Variants in FBXW11 observed in about 807,000 individuals in gnomAD.
FBXW11 encodes F-box and WD repeat domain containing 11.
A neutral mutation model predicts 77.6 loss-of-function variants in FBXW11; 19 were observed. The ratio of observed to expected loss-of-function variants is 0.24; its 90% CI spans 0.17 to 0.36. The LOEUF (loss-of-function observed/expected upper bound fraction) is 0.36, where lower values mean the gene tolerates loss of function less well. Ranked by LOEUF, FBXW11 falls within the 10% of genes least tolerant of loss-of-function variation. The probability of loss-of-function intolerance (pLI) is 1.00; values close to 1 mark genes in which losing one functional copy is unlikely to be tolerated. For synonymous variants in FBXW11, 235 were observed against 249.4 expected, an observed-to-expected ratio of 0.94 and a Z score of 0.54; for missense variants, 334 against 704.2, an observed-to-expected ratio of 0.47 and a Z score of 5.95.
intron 1 of FBXW11, among the ~76,000 whole-genome samples, chr5:172,003,993 A>G (rs2113629221): frequency 6.6e-6 from 1 of 152,304 alleles, no homozygotes; most frequent in East Asian, 1.9e-4. Flanking sequence ...AAAATCTAAA[A>G]ATATTTCATG....
chr5:171,931,643 C>T (rs1453609979), intron 2 of FBXW11, among the ~76,000 whole-genome samples: 1 of 152,030 alleles, frequency 6.6e-6, no homozygotes, highest in Non-Finnish European at 1.5e-5. Flanking sequence ...ATCAAAGGCA[C>T]AATCCATGAA....
At chr5:171,973,200 C>G (rs74529782) in intron 1 of FBXW11, among the ~76,000 whole-genome samples, 2,410 of 152,050 alleles carry the variant, frequency 0.016, 20 homozygotes, top group Non-Finnish European at 0.026. Context: ...ATAAGAAATA[C>G]AAAGAGGAAC....
In FBXW11 at chr5:171,957,666, G is replaced by A. The variant is rs758813851; in HGVS notation, c.78C>T (p.Cys26=). 3 of 1,614,100 alleles carry A rather than the reference G, an allele frequency of 1.9e-6. No individual in the cohort carries two copies. The highest frequency in any genetic ancestry group is 1.7e-6 in the Non-Finnish European group (2 of 1,179,978). The change falls in exon 2 of 14, where the codon TGC becomes TGT. Residue 26 remains cysteine, a synonymous_variant. Transcript: ENST00000517395. ...CGCACATGCTCTCTACCAGGTTGGC[G>A]CAGCCTAGCCACAAAGACCTTGGCA... is the stretch of plus-strand genomic sequence containing the variant. ...CSVPRSLWLG[C]ANLVESMCAL...
chr5:171,915,404 G>A (rs1350444309), intron 2 of FBXW11, among the ~76,000 whole-genome samples: 1 of 152,130 alleles, frequency 6.6e-6, no homozygotes, highest in Non-Finnish European at 1.5e-5. Flanking sequence ...TGTTCTACAA[G>A]TCCTAAAATG....
At chr5:171,895,857 G>C (rs1284090958) in intron 6 of FBXW11, among the ~76,000 whole-genome samples, 2 of 152,182 alleles carry the variant, frequency 1.3e-5, no homozygotes, top group Non-Finnish European at 2.9e-5. Flanking sequence ...GACAGCAAAG[G>C]AGAATATGGC....
intron 2 of FBXW11, among the ~76,000 whole-genome samples, chr5:171,920,098 G>C (rs1189492525): frequency 1.3e-5 from 2 of 152,142 alleles, no homozygotes; most frequent in Non-Finnish European, 2.9e-5. Context: ...AGGAGGCAGA[G>C]GTTGCAGTGA....
At chr5:171,898,983 A>G in intron 6 of FBXW11, 21 bp downstream of exon 6, 1 of 1,472,350 alleles carries the variant, frequency 6.8e-7, no homozygotes, top group Non-Finnish European at 9.3e-7. Flanking sequence ...AGCCCATAAA[A>G]CAGATAAATC....
At chr5:171,943,525 C>T (rs1762852059) in intron 2 of FBXW11, among the ~76,000 whole-genome samples, 2 of 152,148 alleles carry the variant, frequency 1.3e-5, no homozygotes, top group Non-Finnish European at 2.9e-5. Context: ...GTGGTGGGAT[C>T]TCAGCTCACT....
rs1290461861 is a variant in FBXW11 at position 171,863,778 on chromosome 5, C to T, written c.*349G>A. The T allele has an allele frequency of 6.6e-6, 1 of 152,580 alleles. No homozygotes were observed. Among genetic ancestry groups the T allele is most frequent in the East Asian group, 1.9e-4 (1 of 5,196 alleles). The allele number at this position is 152,580 out of a possible 1,614,324, so 9.5% of individuals were successfully genotyped here. ...AGTGCAAAGCAATATAAATTAGAGG[C>T]CAAGTCTTCTCTTGACGGTCGATTT... On this transcript the variant is annotated 3_prime_UTR_variant, in exon 14 of 14. Transcript: ENST00000517395.
chr5:171,949,376 G>A (rs1336962820), intron 2 of FBXW11, among the ~76,000 whole-genome samples: 2 of 152,142 alleles, frequency 1.3e-5, no homozygotes, highest in African/African-American at 4.8e-5. Context: ...GAAAGAATGT[G>A]CATCCCTAAT....
At chr5:171,909,282 G>A (rs554218353) in intron 4 of FBXW11, among the ~76,000 whole-genome samples, 12 of 152,150 alleles carry the variant, frequency 7.9e-5, no homozygotes, top group Admixed American at 2.0e-4. Context: ...ATGCCACCTC[G>A]TTGAGAAAAA....
At chr5:171,899,562 A>C (rs554493633) in intron 5 of FBXW11, among the ~76,000 whole-genome samples, 1 of 152,344 alleles carries the variant, frequency 6.6e-6, no homozygotes, top group East Asian at 1.9e-4. Flanking sequence ...CTCAACCAGC[A>C]GTAATAACAA....
chr5:171,883,047 C>T (rs1561645035), intron 7 of FBXW11, among the ~76,000 whole-genome samples: 1 of 151,932 alleles, frequency 6.6e-6, no homozygotes, highest in East Asian at 1.9e-4. Context: ...TTTGGTTTTT[C>T]ATCCTGAGTT....
intron 2 of FBXW11, among the ~76,000 whole-genome samples, chr5:171,944,571 T>C (rs1762911369): frequency 1.8e-5 from 1 of 56,878 alleles, no homozygotes; most frequent in Non-Finnish European, 3.5e-5. Context: ...CGAGACTCCA[T>C]CTCAAAAAAA....
chr5:172,004,917 G>C (rs1044443526), intron 1 of FBXW11, among the ~76,000 whole-genome samples: 3 of 151,446 alleles, frequency 2.0e-5, no homozygotes, highest in Non-Finnish European at 4.4e-5. Flanking sequence ...AAAACTATCA[G>C]TTTCTTTTTT....
At chr5:171,992,989 C>T (rs1765835711) in intron 1 of FBXW11, among the ~76,000 whole-genome samples, 1 of 151,892 alleles carries the variant, frequency 6.6e-6, no homozygotes, top group Admixed American at 6.6e-5. Context: ...CAAAGGGCTT[C>T]CCAAACCTGT....
intron 2 of FBXW11, among the ~76,000 whole-genome samples, chr5:171,936,652 A>C (rs1447714571): frequency 3.3e-5 from 5 of 152,138 alleles, no homozygotes; most frequent in Admixed American, 2.0e-4. Flanking sequence ...ATGCAGAGAG[A>C]CATGGATATA....
intron 2 of FBXW11, 66 bp downstream of exon 2, chr5:171,957,531 G>A (rs1280330161): frequency 7.4e-7 from 1 of 1,348,756 alleles, no homozygotes; most frequent in Non-Finnish European, 1.1e-6. Flanking sequence ...ACACACTACT[G>A]CAAGTTTCAA....
At chr5:171,891,749 CT>C (rs1319186663) in intron 6 of FBXW11, 145 bp from the exon 7 acceptor site, 2 of 707,786 alleles carry the variant, frequency 2.8e-6, no homozygotes, top group African/African-American at 3.7e-5. Flanking sequence ...GGATCATGCT[CT>C]TTTCCAAGTA....
Sources: allele counts gnomAD v4.1 joint callset (sites outside exome capture counted in the v4.1 genomes callset), GRCh38; gene constraint gnomAD v4.1.1; transcripts MANE v1.5; gene names NCBI Gene and HGNC (gene_info 2026-07-23, HGNC 2026-07-21).